The following NBEAL1 variants were observed in gnomAD, a reference collection of about 807,000 sequenced individuals.
NBEAL1 encodes the protein neurobeachin-like protein 1.
In NBEAL1, 273 loss-of-function variants were observed where a neutral mutation model predicts 351.3. The observed-to-expected ratio is 0.78, with a 90% CI of 0.70 to 0.86. The LOEUF is 0.86. NBEAL1 is among the 40% of genes least tolerant of loss of function. The pLI is 0.00. For missense variants in NBEAL1, 2,961 were observed against 3,201.3 expected (o/e 0.92, Z 1.81); for synonymous variants, 1,050 against 1,086.4 (o/e 0.97, Z 0.66).
At chr2:203,124,436 A>G (rs1368364148) in intron 19 of NBEAL1, among the ~76,000 whole-genome samples, 2 of 152,214 alleles carry the variant, frequency 1.3e-5, no homozygotes, top group African/African-American at 2.4e-5. Context: ...ATTACATTTT[A>G]TTAGGGAGTT....
intron 2 of NBEAL1, among the ~76,000 whole-genome samples, chr2:203,023,315 A>T (rs1433878882): frequency 6.6e-6 from 1 of 152,186 alleles, no homozygotes; most frequent in Non-Finnish European, 1.5e-5. Context: ...TAAGGAAGGT[A>T]ATGTTCTTTG....
In NBEAL1 at chr2:203,016,521, A is replaced by G. The variant is rs1421663606; in HGVS notation, c.51+86A>G. ...GCAGTAGTAACACTTTATTTAATAG[A>G]TAATAGTGTATTTAGTCATAATGAA... On this transcript the variant is annotated intron_variant, in intron 2 of 55. Transcript: ENST00000683969. 5.1e-6 allele frequency: 4 copies of G among 786,598 alleles called. No homozygotes were observed. In the Admixed American group the frequency reaches 9.1e-5, roughly 18 times the overall value. The allele number at this position is 786,598 out of a possible 1,614,324, so 48.7% of individuals were successfully genotyped here. A position where few individuals can be genotyped will look rare whatever the true frequency, so the allele number is the denominator to read the frequency against.
rs148762218 is a variant in NBEAL1, at chr2:203,218,955, C to T, written c.*1601C>T. 6.6e-6 allele frequency: 1 copy of T among 152,148 alleles called. No homozygotes were observed. Among genetic ancestry groups the T allele is most frequent in the Admixed American group, 6.5e-5 (1 of 15,282 alleles). The allele number at this position is 152,148 out of a possible 1,614,324, so 9.4% of individuals were successfully genotyped here. On this transcript the variant is annotated 3_prime_UTR_variant, in exon 56 of 56. Coordinates refer to ENST00000683969, the MANE Select transcript of NBEAL1 (RefSeq NM_001378026.1). ...CTGGTACAACAATTGTAAAATAGAACATATTTAAATGTCAAGGTGTCTTTT... is the reference window on the plus strand; with the variant it reads ...CTGGTACAACAATTGTAAAATAGAATATATTTAAATGTCAAGGTGTCTTTT...
chr2:203,109,594 A>G (rs1231946030), intron 14 of NBEAL1, among the ~76,000 whole-genome samples: 1 of 151,834 alleles, frequency 6.6e-6, no homozygotes, highest in Non-Finnish European at 1.5e-5. Flanking sequence ...ATCTCAGCCG[A>G]CTGCAACCTC....
chr2:203,118,670 C>T (rs2062755118), intron 18 of NBEAL1, among the ~76,000 whole-genome samples: 1 of 151,446 alleles, frequency 6.6e-6, no homozygotes, highest in Non-Finnish European at 1.5e-5. Context: ...TGGCTCACTG[C>T]AGCCTCTGCC....
chr2:203,158,049 T>C (rs2106371711), intron 36 of NBEAL1, among the ~76,000 whole-genome samples: 1 of 152,254 alleles, frequency 6.6e-6, no homozygotes, highest in African/African-American at 2.4e-5. Flanking sequence ...TTTAGAACTG[T>C]ACGATAATGA....
rs1047723997 is a variant in NBEAL1, at chr2:203,209,261, C to T, written c.7724C>T (p.Ala2575Val). 6.2e-7 allele frequency: 1 copy of T among 1,613,898 alleles called. No homozygotes were observed. The highest frequency in any genetic ancestry group is 8.5e-7 in the Non-Finnish European group (1 of 1,179,826). ...SSLFLTIPNL[A>V]ISWEGHIVVY... ...CTGTTCCTGACCATTCCTAATTTGG[C>T]TATATCTTGGGAAGGACATATTGTT... Residue 2575 changes from alanine to valine, a missense_variant, in exon 53 of 56, where the codon GCT becomes GTT. Physicochemically the swap from Ala to Val is moderately conservative, Grantham distance 64 (BLOSUM62 0). Coordinates refer to ENST00000683969, the MANE Select transcript of NBEAL1 (RefSeq NM_001378026.1).
At chr2:203,079,665 A>G (rs1041077378) in intron 8 of NBEAL1, among the ~76,000 whole-genome samples, 1 of 152,170 alleles carries the variant, frequency 6.6e-6, no homozygotes, top group African/African-American at 2.4e-5. Context: ...CAAATTACAT[A>G]TTTAAATTAT....
intron 18 of NBEAL1, among the ~76,000 whole-genome samples, chr2:203,121,984 C>G (rs1271842332): frequency 6.6e-6 from 1 of 151,944 alleles, no homozygotes; most frequent in African/African-American, 2.4e-5. Context: ...TGGGGTTTTA[C>G]CATGTTGGCC....
At position 203,171,980 on chromosome 2, in the gene NBEAL1, C is replaced by A; in HGVS notation, c.6155C>A (p.Thr2052Lys). The change falls in exon 40 of 56, where the codon ACA becomes AAA. Residue 2052 changes from threonine to lysine, a missense_variant. Coordinates refer to ENST00000683969, the MANE Select transcript of NBEAL1 (RefSeq NM_001378026.1). ...TTTGACTACCTCATTCAAATAAATA[C>A]AATGGCAGGACGAACCTATAATGAC... The part of the protein sequence containing the change: ...SNFDYLIQIN[T>K]MAGRTYNDLA... The A allele has an allele frequency of 1.2e-6, 2 of 1,608,450 alleles. No individual in the cohort carries two copies. Among genetic ancestry groups the A allele is most frequent in the African/African-American group, 2.7e-5 (2 of 74,724 alleles).
In NBEAL1 at chr2:203,223,334, AT is replaced by A. The variant is rs2065969976; in HGVS notation, c.*5984del. On this transcript the variant is annotated 3_prime_UTR_variant, in exon 56 of 56. Transcript: ENST00000683969. ...GGTTTTCATGTTTCCTTGGAAACATATTTTGCAAATATAACAATAATAGTAA... is the reference window on the plus strand; with the variant it reads ...GGTTTTCATGTTTCCTTGGAAACATATTTGCAAATATAACAATAATAGTAA... 6.6e-6 allele frequency among the ~76,000 whole-genome samples: 1 copy of A among 152,134 alleles called. No individual in the cohort carries two copies. The highest frequency in any genetic ancestry group is 2.4e-5 in the African/African-American group (1 of 41,462).
rs530688941 is a variant in NBEAL1, at chr2:203,057,830, T to C, written c.515+377T>C. 3.0e-3 allele frequency among the ~76,000 whole-genome samples: 447 copies of C among 149,184 alleles called. 4 individuals carry two copies. Among genetic ancestry groups the C allele is most frequent in the African/African-American group, 0.011 (430 of 40,766 alleles). ...TCCATTTTTTTTCTTTTTTCTTTTT[T>C]TTTTTTTTGTTTTTTTGTCTTTTTG... On this transcript the variant is annotated intron_variant, in intron 6 of 55. Transcript: ENST00000683969.
chr2:203,183,710 A>G (rs2064802721), intron 44 of NBEAL1, among the ~76,000 whole-genome samples: 1 of 152,106 alleles, frequency 6.6e-6, no homozygotes, highest in Non-Finnish European at 1.5e-5. Flanking sequence ...CAGTTTTCAC[A>G]TTTATTTCAA....
chr2:203,107,302 TTTTC>T (rs1407916757), intron 12 of NBEAL1, 114 bp from the exon 13 acceptor site: 2 of 514,502 alleles, frequency 3.9e-6, no homozygotes, highest in African/African-American at 3.9e-5. Context: ...ATTCGTGTCT[TTTTC>T]TTTATTTAAT....
intron 4 of NBEAL1, among the ~76,000 whole-genome samples, chr2:203,051,134 T>C (rs2061317250): frequency 6.6e-6 from 1 of 152,240 alleles, no homozygotes; most frequent in Non-Finnish European, 1.5e-5. Context: ...GATTGATCAA[T>C]AATTGCTAAA....
chr2:203,122,323 G>A lies in NBEAL1; in HGVS notation c.2662G>A (p.Val888Ile). The A allele has an allele frequency of 1.3e-6, 2 of 1,538,574 alleles. No individual in the cohort carries two copies. The highest frequency in any genetic ancestry group is 1.8e-6 in the Non-Finnish European group (2 of 1,138,688). ...CLHGRLTGNK[V>I]VNWDIKDIIN... is the part of the protein sequence containing the mutation. ...GCATGGAAGATTAACAGGAAACAAA[G>A]TAGTGAACTGGGACATTAAGGTAAA... Residue 888 changes from valine to isoleucine, a missense_variant, in exon 19 of 56, where the codon GTA becomes ATA. Physicochemically the swap from Val to Ile is conservative, Grantham distance 29. Transcript: ENST00000683969.
chr2:203,174,216 CAAAAAAAAAA>C (rs10652390), intron 41 of NBEAL1, among the ~76,000 whole-genome samples: 54 of 24,614 alleles, frequency 2.2e-3, no homozygotes, highest in South Asian at 6.9e-3. Flanking sequence ...TTTATACTAG[CAAAAAAAAAA>C]AAAAAAAAAA....
In NBEAL1 at chr2:203,217,375, T is replaced by TAA; in HGVS notation, c.*22_*23insAA. Reference sequence around the variant, plus strand: ...AGTGATTGTTATTTCCATTTTCTGTTATGATTACTGAAACCTGATTTATTG... The same window carrying TAA: ...AGTGATTGTTATTTCCATTTTCTGTTAAATGATTACTGAAACCTGATTTATTG... On this transcript the variant is annotated 3_prime_UTR_variant, in exon 56 of 56. Coordinates refer to ENST00000683969, the MANE Select transcript of NBEAL1 (RefSeq NM_001378026.1). 6.4e-7 allele frequency: 1 copy of TAA among 1,561,708 alleles called. No individual in the cohort carries two copies. Among genetic ancestry groups the TAA allele is most frequent in the Non-Finnish European group, 8.7e-7 (1 of 1,154,076 alleles).
chr2:203,088,544 A>C (rs891788314), intron 10 of NBEAL1, among the ~76,000 whole-genome samples: 2 of 152,132 alleles, frequency 1.3e-5, no homozygotes, highest in African/African-American at 2.4e-5. Flanking sequence ...TTTCACACAA[A>C]GCTTTGGTTT....
Sources: allele counts gnomAD v4.1 joint callset (sites outside exome capture counted in the v4.1 genomes callset), GRCh38; gene constraint gnomAD v4.1.1; transcripts MANE v1.5; gene names NCBI Gene and HGNC (gene_info 2026-07-23, HGNC 2026-07-21).